Variants in DYNC2I1 observed in about 807,000 individuals in gnomAD.
DYNC2I1 encodes the protein dynein 2 intermediate chain 1.
Under a neutral mutation model 133.4 loss-of-function variants are expected in DYNC2I1, and 89 were observed. The observed-to-expected ratio is 0.67, with a 90% CI of 0.56 to 0.80. The LOEUF is 0.80. Among genes scored for constraint, DYNC2I1 ranks in the 30% least tolerant of loss-of-function variants. The pLI is 0.00. For synonymous variants in DYNC2I1, 504 were observed against 484.3 expected, an observed-to-expected ratio of 1.04 and a Z score of -0.54; for missense variants, 1,291 against 1,314.5, an observed-to-expected ratio of 0.98 and a Z score of 0.28.
intron 14 of DYNC2I1, among the ~76,000 whole-genome samples, chr7:158,917,518 T>C (rs113133817): frequency 0.035 from 1,219 of 35,144 alleles, 1 homozygote; most frequent in Admixed American, 0.048. Flanking sequence ...CTCCACCCTC[T>C]GCCTCTCACT....
At chr7:158,935,141 A>G (rs963080128) in intron 23 of DYNC2I1, among the ~76,000 whole-genome samples, 1 of 152,264 alleles carries the variant, frequency 6.6e-6, no homozygotes. Context: ...TTAACACAAT[A>G]GAAATTAATG....
chr7:158,958,264 C>T (rs1430474340), downstream of DYNC2I1, among the ~76,000 whole-genome samples: 1 of 152,106 alleles, frequency 6.6e-6, no homozygotes. Context: ...GCAGCAAAGC[C>T]GTGGTTGAAA....
chr7:158,944,021 G>A (rs1851640633), intron 24 of DYNC2I1, among the ~76,000 whole-genome samples: 1 of 152,238 alleles, frequency 6.6e-6, no homozygotes, highest in Non-Finnish European at 1.5e-5. Flanking sequence ...AAAGTGCCCA[G>A]TTACTTTTCT....
intron 14 of DYNC2I1, among the ~76,000 whole-genome samples, chr7:158,915,203 T>C (rs1225833949): frequency 6.7e-6 from 1 of 149,680 alleles, no homozygotes; most frequent in Non-Finnish European, 1.5e-5. Context: ...CTCGACACGC[T>C]GGTTGACATT....
the DYNC2I1 span, among the ~76,000 whole-genome samples, chr7:158,841,194 T>TTTTAG: frequency 7.6e-5 from 7 of 92,102 alleles, no homozygotes; most frequent in East Asian, 3.7e-4. Flanking sequence ...TATATATATA[T>TTTTAG]ATATATATAT....
chr7:158,893,267 A>G (rs1391050060), intron 8 of DYNC2I1, among the ~76,000 whole-genome samples: 1 of 152,048 alleles, frequency 6.6e-6, no homozygotes, highest in Non-Finnish European at 1.5e-5. Context: ...CATGGTAATC[A>G]CTGATCTTGT....
At chr7:158,863,592 C>A (rs1209528724) in intron 1 of DYNC2I1, among the ~76,000 whole-genome samples, 1 of 107,638 alleles carries the variant, frequency 9.3e-6, no homozygotes, top group Middle Eastern at 9.4e-3. Context: ...GTGAGGGGGG[C>A]GGTGAGCCGG....
At chr7:158,890,902 T>G (rs1845145389) in intron 7 of DYNC2I1, among the ~76,000 whole-genome samples, 1 of 152,218 alleles carries the variant, frequency 6.6e-6, no homozygotes, top group Admixed American at 6.5e-5. Flanking sequence ...TGCATAGATC[T>G]TCCTAGTGTC....
At chr7:158,949,794 G>A (rs1325555857), downstream of DYNC2I1, among the ~76,000 whole-genome samples, 5 of 150,452 alleles carry the variant, frequency 3.3e-5, no homozygotes, top group Non-Finnish European at 7.4e-5. Flanking sequence ...TTTTTCAGAC[G>A]GAGTTTCGCT....
chr7:158,943,978 C>T (rs1290458916), intron 24 of DYNC2I1, among the ~76,000 whole-genome samples: 7 of 152,208 alleles, frequency 4.6e-5, no homozygotes, highest in Non-Finnish European at 2.9e-5. Flanking sequence ...GCGCTCTCTC[C>T]TCCTGTTGAG....
At chr7:158,934,048 G>A (rs1850496749) in intron 21 of DYNC2I1, 81 bp from the exon 22 acceptor site, 3 of 958,246 alleles carry the variant, frequency 3.1e-6, no homozygotes, top group Non-Finnish European at 4.8e-6. Flanking sequence ...ATGTATTGTA[G>A]TGCAAATCAG....
In DYNC2I1 at chr7:158,856,684, C is replaced by T; in HGVS notation, c.-52C>T. On this transcript the variant is annotated 5_prime_UTR_variant, in exon 1 of 25. Transcript: ENST00000407559. ...CACAGGTGGCCTCTTCGGGGTGGAC[C>T]GCGCCTGGCCGGGGCCGAGGACACC... The T allele has an allele frequency of 8.1e-7, 1 of 1,231,828 alleles. No individual in the cohort carries two copies. The highest frequency in any genetic ancestry group is 1.6e-5 in the African/African-American group (1 of 64,450). The allele number at this position is 1,231,828 out of a possible 1,614,324, so 76.3% of individuals were successfully genotyped here.
chr7:158,906,639 G>A (rs1846844563), intron 11 of DYNC2I1, among the ~76,000 whole-genome samples: 3 of 152,100 alleles, frequency 2.0e-5, no homozygotes, highest in Admixed American at 6.5e-5. Flanking sequence ...TGTATTTTTA[G>A]TAGAGACAGG....
chr7:158,868,294 C>T (rs1200490156), intron 1 of DYNC2I1, among the ~76,000 whole-genome samples: 2 of 152,138 alleles, frequency 1.3e-5, no homozygotes, highest in East Asian at 1.9e-4. Flanking sequence ...CCGCCTTTCC[C>T]GGCACGCACA....
chr7:158,890,488 G>A (rs73529714), intron 7 of DYNC2I1, among the ~76,000 whole-genome samples: 1 of 152,082 alleles, frequency 6.6e-6, no homozygotes, highest in Non-Finnish European at 1.5e-5. Context: ...TGCCTGCTAT[G>A]TGCCAGAATA....
rs1159024076 is a variant in DYNC2I1 at position 158,902,785 on chromosome 7, T to C, written c.1357+190T>C. ...CCCTGAAGACTTGAGCACGAGCCCA[T>C]CCAGAATTCTCTTACACAGAGAAGT... On this transcript the variant is annotated intron_variant, in intron 10 of 24. Coordinates refer to ENST00000407559, the MANE Select transcript of DYNC2I1 (RefSeq NM_018051.5). 6 of 588,220 alleles carry C rather than the reference T, an allele frequency of 1.0e-5. No homozygotes were observed. The Admixed American group carries it at 1.6e-4, about 16-fold the overall frequency. 36.4% of individuals were successfully genotyped at this position (588,220 alleles called of 1,614,324 possible). A position where few individuals can be genotyped will look rare whatever the true frequency, so the allele number is the denominator to read the frequency against.
At chr7:158,881,734 T>C (rs1844050077) in intron 5 of DYNC2I1, among the ~76,000 whole-genome samples, 1 of 152,222 alleles carries the variant, frequency 6.6e-6, no homozygotes, top group South Asian at 2.1e-4. Flanking sequence ...ATTACAGGCA[T>C]GAGCTACCGC....
chr7:158,884,489 TG>T, intron 5 of DYNC2I1, 74 bp from the exon 6 acceptor site: 1 of 1,394,954 alleles, frequency 7.2e-7, no homozygotes, highest in South Asian at 1.3e-5. Flanking sequence ...GCTTGTTTTG[TG>T]GGGTTTACTA....
Position 158,918,725 on chromosome 7 carries a change from A to G in DYNC2I1, c.1792-15A>G. 2 of 1,612,944 alleles carry G rather than the reference A, an allele frequency of 1.2e-6. No homozygotes were observed. Among genetic ancestry groups the G allele is most frequent in the East Asian group, 2.2e-5 (1 of 44,860 alleles). On this transcript the variant is annotated splice_polypyrimidine_tract_variant and intron_variant, in intron 14 of 24. Transcript: ENST00000407559. Reference sequence around the variant, plus strand: ...GTGAAGTTTTTATTAAAGACTACTCACTTATGTCTGACAGGTGATGGCCGT... The same window carrying G: ...GTGAAGTTTTTATTAAAGACTACTCGCTTATGTCTGACAGGTGATGGCCGT...
Sources: allele counts gnomAD v4.1 joint callset (sites outside exome capture counted in the v4.1 genomes callset), GRCh38; gene constraint gnomAD v4.1.1; transcripts MANE v1.5; gene names NCBI Gene and HGNC (gene_info 2026-07-23, HGNC 2026-07-21).